SCAND3: variants seen among roughly 807,000 people sequenced by gnomAD.
SCAND3 encodes SCAN domain containing 3, also known as SCAN domain-containing protein 3.
At chr6:28,597,356 C>A in the SCAND3 span, among the ~76,000 whole-genome samples, 6 of 152,220 alleles carry the variant, frequency 3.9e-5, 1 homozygote, top group Non-Finnish European at 1.5e-5. Flanking sequence ...GGATGGGATT[C>A]GAACCCACGC....
the SCAND3 span, among the ~76,000 whole-genome samples, chr6:28,585,608 A>G: frequency 6.6e-6 from 1 of 152,198 alleles, no homozygotes; most frequent in Non-Finnish European, 1.5e-5. Context: ...CATTCCAGAA[A>G]CATGCGTTTT....
At chr6:28,589,856 G>GTTTTTTTTTTTTTTT in the SCAND3 span, 10 of 116,552 alleles carry the variant, frequency 8.6e-5, no homozygotes, top group Non-Finnish European at 1.1e-4. Context: ...TTTTTTGTTT[G>GTTTTTTTTTTTTTTT]TTTTTTTTTT....
the SCAND3 span, chr6:28,579,303 T>G: frequency 5.6e-6 from 9 of 1,613,910 alleles, no homozygotes; most frequent in Non-Finnish European, 7.6e-6. This position sits in a 1 kb window ranked among gnomAD's most constrained non-coding sequence, Gnocchi z 4.5. Context: ...GCTCTGGAGA[T>G]TCACATTCCA....
At chr6:28,606,617 A>G in the SCAND3 span, among the ~76,000 whole-genome samples, 2 of 152,070 alleles carry the variant, frequency 1.3e-5, no homozygotes, top group Non-Finnish European at 2.9e-5. Flanking sequence ...CTGGGTGCCT[A>G]CGTGATGCCT....
chr6:28,598,888 A>G, the SCAND3 span, among the ~76,000 whole-genome samples: 43 of 149,286 alleles, frequency 2.9e-4, no homozygotes, highest in East Asian at 1.2e-3. Context: ...AAAAAAAAAA[A>G]AAAAAAGAAA....
the SCAND3 span, among the ~76,000 whole-genome samples, chr6:28,605,587 A>C: frequency 6.5e-3 from 990 of 151,776 alleles, 32 homozygotes; most frequent in Admixed American, 0.052. Context: ...TAATCCCAGC[A>C]CTTTGGGAGG....
At chr6:28,610,416 A>G in the SCAND3 span, among the ~76,000 whole-genome samples, 1 of 151,976 alleles carries the variant, frequency 6.6e-6, no homozygotes, top group African/African-American at 2.4e-5. Context: ...CCAGCTACTC[A>G]GGAGGCTGAG....
At chr6:28,579,329 A>G in the SCAND3 span, 1 of 1,613,956 alleles carries the variant, frequency 6.2e-7, no homozygotes, top group Non-Finnish European at 8.5e-7. This position sits in a 1 kb window ranked among gnomAD's most constrained non-coding sequence, Gnocchi z 4.5. Context: ...TCTTCCATAG[A>G]CTGAAGCTGG....
the SCAND3 span, chr6:28,586,376 C>T: frequency 6.2e-7 from 1 of 1,614,182 alleles, no homozygotes; most frequent in Non-Finnish European, 8.5e-7. This position sits in a 1 kb window ranked among gnomAD's most constrained non-coding sequence, Gnocchi z 4.4. Flanking sequence ...CAGGATTATG[C>T]TCCCGCACCC....
At chr6:28,586,698 ACC>A in the SCAND3 span, 1 of 1,613,378 alleles carries the variant, frequency 6.2e-7, no homozygotes, top group Non-Finnish European at 8.5e-7. This position sits in a 1 kb window ranked among gnomAD's most constrained non-coding sequence, Gnocchi z 4.4. Context: ...GGCTGGGAAG[ACC>A]CTAGAGACTG....
chr6:28,610,638 T>TC, the SCAND3 span, among the ~76,000 whole-genome samples: 1 of 152,204 alleles, frequency 6.6e-6, no homozygotes, highest in South Asian at 2.1e-4. Flanking sequence ...CTTTGATGTG[T>TC]CCTTCTAGGT....
chr6:28,598,883 AAAAAAAAAAAAG>A, the SCAND3 span, among the ~76,000 whole-genome samples: 1 of 148,856 alleles, frequency 6.7e-6, no homozygotes, highest in Non-Finnish European at 1.5e-5. Flanking sequence ...TCTCAAAAAA[AAAAAAAAAAAAG>A]AAAAAAGAAA....
chr6:28,579,521 A>G, the SCAND3 span: 1 of 1,086,522 alleles, frequency 9.2e-7, no homozygotes, highest in Non-Finnish European at 1.3e-6. This position sits in a 1 kb window ranked among gnomAD's most constrained non-coding sequence, Gnocchi z 4.5. Context: ...GAAGAAAATC[A>G]GTCTTTACTG....
chr6:28,575,815 T>G, the SCAND3 span: 14 of 1,614,044 alleles, frequency 8.7e-6, no homozygotes, highest in African/African-American at 1.3e-5. This position sits in a 1 kb window ranked among gnomAD's most constrained non-coding sequence, Gnocchi z 4.2. Context: ...ATACCGTATT[T>G]TATCTGTTTC....
the SCAND3 span, chr6:28,573,507 G>T: frequency 1.6e-5 from 26 of 1,613,634 alleles, no homozygotes; most frequent in Non-Finnish European, 2.2e-5. Context: ...TTCTTTCAAA[G>T]AATTCTTTTG....
At chr6:28,572,028 A>G in the SCAND3 span, 1 of 1,614,036 alleles carries the variant, frequency 6.2e-7, no homozygotes. The surrounding 1 kb of genome is among the most constrained non-coding windows in gnomAD (Gnocchi z 4.1). Flanking sequence ...GTTTTGTTTT[A>G]ATAACACTTA....
chr6:28,600,651 AAC>A, the SCAND3 span, among the ~76,000 whole-genome samples: 1 of 152,100 alleles, frequency 6.6e-6, no homozygotes, highest in East Asian at 1.9e-4. Flanking sequence ...TAAAAAAGTA[AAC>A]AGAGTTTTAA....
At chr6:28,573,028 A>G in the SCAND3 span, 1 of 1,612,938 alleles carries the variant, frequency 6.2e-7, no homozygotes, top group Non-Finnish European at 8.5e-7. Context: ...TTTGTTAACA[A>G]TATAATTCTT....
chr6:28,599,870 A>T, the SCAND3 span, among the ~76,000 whole-genome samples: 2 of 152,202 alleles, frequency 1.3e-5, no homozygotes, highest in Non-Finnish European at 2.9e-5. Flanking sequence ...GAGCAAAGGC[A>T]GTTCAGTGGA....
Sources: allele counts gnomAD v4.1 joint callset (sites outside exome capture counted in the v4.1 genomes callset), GRCh38; gene constraint gnomAD v4.1.1; non-coding constraint Gnocchi (gnomAD v3.1); transcripts MANE v1.5; gene names NCBI Gene and HGNC (gene_info 2026-07-23, HGNC 2026-07-21).